MFHAS1: variants seen among roughly 807,000 people sequenced by gnomAD.
MFHAS1 encodes multifunctional ROCO family signaling regulator 1.
A neutral mutation model predicts 70.4 loss-of-function variants in MFHAS1; 50 were observed. The ratio of observed to expected loss-of-function variants is 0.71; its 90% CI spans 0.57 to 0.90. The LOEUF (loss-of-function observed/expected upper bound fraction) is 0.90, where lower values mean the gene tolerates loss of function less well. MFHAS1 is among the 40% of genes least tolerant of loss of function. The probability of loss-of-function intolerance (pLI) is 0.00; values close to 1 mark genes in which losing one functional copy is unlikely to be tolerated. For missense variants in MFHAS1, 1,795 were observed against 1,347.6 expected (o/e 1.33, Z -5.20); for synonymous variants, 952 against 620.0 (o/e 1.54, Z -7.96).
intron 2 of MFHAS1, among the ~76,000 whole-genome samples, chr8:8,795,057 A>G (rs1023365508): frequency 5.3e-5 from 8 of 152,228 alleles, no homozygotes; most frequent in African/African-American, 1.9e-4. Flanking sequence ...ATTCGACGGC[A>G]CTTGGCTATG....
intron 1 of MFHAS1, among the ~76,000 whole-genome samples, chr8:8,885,200 G>C (rs955549797): frequency 6.6e-6 from 1 of 152,086 alleles, no homozygotes; most frequent in African/African-American, 2.4e-5. Context: ...TTTGGCATGA[G>C]ATACAAAAAG....
At chr8:8,788,283 C>G (rs1354594804) in intron 2 of MFHAS1, among the ~76,000 whole-genome samples, 57 of 152,204 alleles carry the variant, frequency 3.7e-4, no homozygotes, top group Non-Finnish European at 1.5e-5. Context: ...AATTACTCAA[C>G]AAAGATCTGT....
At chr8:8,811,167 TAAAATCCAGCC>T (rs1806533308) in intron 1 of MFHAS1, among the ~76,000 whole-genome samples, 1 of 152,034 alleles carries the variant, frequency 6.6e-6, no homozygotes, top group Admixed American at 6.6e-5. Context: ...ATCCGCAGAA[TAAAATCCAGCC>T]GGGACTTGAG....
Position 8,877,821 on chromosome 8 carries a change from C to T in MFHAS1, c.2998+12240G>A, listed in dbSNP as rs116409733. 2.0e-3 allele frequency among the ~76,000 whole-genome samples: 306 copies of T among 152,298 alleles called. 1 individual carries two copies. Among genetic ancestry groups the T allele is most frequent in the African/African-American group, 7.1e-3 (295 of 41,560 alleles). On this transcript the variant is annotated intron_variant, in intron 1 of 2. Transcript: ENST00000276282. ...TGCTTTTAAAACTCTAGTTGATGGG[C>T]CAGTGGGTCACTGGCAAGTGTCTAC...
At chr8:8,816,688 G>T (rs1283669137) in intron 1 of MFHAS1, among the ~76,000 whole-genome samples, 1 of 152,154 alleles carries the variant, frequency 6.6e-6, no homozygotes, top group African/African-American at 2.4e-5. Flanking sequence ...AATACTAGAT[G>T]CTATCTAATA....
chr8:8,808,920 G>C (rs181577420), intron 1 of MFHAS1, among the ~76,000 whole-genome samples: 150 of 152,218 alleles, frequency 9.9e-4, no homozygotes, highest in Non-Finnish European at 2.0e-3. Context: ...GCAGCACAGA[G>C]GGAGGTGAGT....
At chr8:8,867,645 C>T (rs556860205) in intron 1 of MFHAS1, among the ~76,000 whole-genome samples, 1 of 151,962 alleles carries the variant, frequency 6.6e-6, no homozygotes, top group South Asian at 2.1e-4. Flanking sequence ...AAAAGCTCCG[C>T]CTCCCGGGTT....
intron 1 of MFHAS1, among the ~76,000 whole-genome samples, chr8:8,879,931 C>T (rs866321303): frequency 6.6e-6 from 1 of 152,204 alleles, no homozygotes; most frequent in Non-Finnish European, 1.5e-5. Flanking sequence ...TCTTGCCAGT[C>T]ATTCCAGGAG....
chr8:8,890,259 C>A lies in MFHAS1; in HGVS notation c.2800G>T (p.Gly934Ter). 6.2e-7 allele frequency: 1 copy of A among 1,614,102 alleles called. No individual in the cohort carries two copies. The highest frequency in any genetic ancestry group is 8.5e-7 in the Non-Finnish European group (1 of 1,180,010). Residue 934 changes from glycine to a stop codon, truncating the protein, a stop_gained, in exon 1 of 3, where the codon GGA becomes TGA. Transcript: ENST00000276282. LOFTEE classifies it high-confidence loss of function. ...GACAGGGTGTCTGGCTGCAGGACTC[C>A]CCTGGCAGGTCTGTAACTCACAACC... ...PVVVSYRPAR[G>*]VLQPDTLSIA...
intron 1 of MFHAS1, among the ~76,000 whole-genome samples, chr8:8,819,631 AT>A (rs1248473278): frequency 6.6e-6 from 1 of 151,450 alleles, no homozygotes; most frequent in East Asian, 1.9e-4. Context: ...AAAAAAGAAT[AT>A]CCAAGAATCT....
At position 8,832,697 on chromosome 8, in the gene MFHAS1, T is replaced by C. The variant is rs555726649; in HGVS notation, c.2999-35206A>G. Among the ~76,000 whole-genome samples, 27 of 146,228 alleles carry C rather than the reference T, an allele frequency of 1.8e-4. 1 individual carries two copies. The East Asian group carries it at 5.6e-3, about 30-fold the overall frequency. ...AGGCTGGAGTGTGGTGGCTCAATCA[T>C]AGCTGACGGCCACCTTGAACTCCTA... On this transcript the variant is annotated intron_variant, in intron 1 of 2. Coordinates refer to ENST00000276282, the MANE Select transcript of MFHAS1 (RefSeq NM_004225.3).
At chr8:8,801,152 T>C (rs1042756279) in intron 1 of MFHAS1, among the ~76,000 whole-genome samples, 5 of 151,720 alleles carry the variant, frequency 3.3e-5, no homozygotes, top group African/African-American at 1.2e-4. Context: ...GAAGTGGAGG[T>C]TGCAGTGACC....
chr8:8,787,137 G>C (rs982383971), intron 2 of MFHAS1, among the ~76,000 whole-genome samples: 1 of 150,708 alleles, frequency 6.6e-6, no homozygotes, highest in Non-Finnish European at 1.5e-5. Context: ...CTGGAGTGCA[G>C]TGGCGCAATC....
chr8:8,887,112 G>A (rs764171403), intron 1 of MFHAS1, among the ~76,000 whole-genome samples: 31 of 152,098 alleles, frequency 2.0e-4, no homozygotes, highest in Non-Finnish European at 4.0e-4. Context: ...GGGCAACAGA[G>A]CAAGACTCCA....
At chr8:8,847,144 C>G (rs1808066519) in intron 1 of MFHAS1, among the ~76,000 whole-genome samples, 1 of 152,168 alleles carries the variant, frequency 6.6e-6, no homozygotes, top group Non-Finnish European at 1.5e-5. Context: ...AGACTGGAGA[C>G]ACAGGTACTT....
At chr8:8,796,044 C>T (rs1054349761) in intron 2 of MFHAS1, among the ~76,000 whole-genome samples, 7 of 152,172 alleles carry the variant, frequency 4.6e-5, no homozygotes, top group African/African-American at 1.7e-4. Context: ...AAGTAACAGG[C>T]ATTTCATCTC....
intron 1 of MFHAS1, among the ~76,000 whole-genome samples, chr8:8,854,684 C>CAAAA (rs34792841): frequency 7.1e-6 from 1 of 139,932 alleles, no homozygotes; most frequent in Non-Finnish European, 1.6e-5. Context: ...GACTTTGTCT[C>CAAAA]AAAAAAAAAA....
At chr8:8,847,341 C>A (rs993443566) in intron 1 of MFHAS1, among the ~76,000 whole-genome samples, 2 of 152,076 alleles carry the variant, frequency 1.3e-5, no homozygotes, top group African/African-American at 4.8e-5. Flanking sequence ...GCCACCGCAC[C>A]CAGCTAATTT....
chr8:8,860,546 A>G (rs1808622947), intron 1 of MFHAS1, among the ~76,000 whole-genome samples: 1 of 152,232 alleles, frequency 6.6e-6, no homozygotes, highest in South Asian at 2.1e-4. Context: ...ATGTGTCTTC[A>G]GGAATTCCCC....
Sources: allele counts gnomAD v4.1 joint callset (sites outside exome capture counted in the v4.1 genomes callset), GRCh38; gene constraint gnomAD v4.1.1; transcripts MANE v1.5; gene names NCBI Gene and HGNC (gene_info 2026-07-23, HGNC 2026-07-21).